Variants in CYREN observed in about 807,000 individuals in gnomAD.
CYREN encodes the protein cell cycle regulator of non-homologous end joining.
In CYREN, 7 loss-of-function variants were observed where a neutral mutation model predicts 9.7. That is an observed-to-expected ratio of 0.72 (90% CI 0.41 to 1.36). CYREN has a LOEUF of 1.36. Ranked by LOEUF, CYREN falls within the 40% of genes most tolerant of loss-of-function variation. The pLI is 0.01. For synonymous variants in CYREN, 76 were observed against 77.9 expected (o/e 0.98, Z 0.13); for missense variants, 215 against 198.1 (o/e 1.09, Z -0.51).
intron 2 of CYREN, among the ~76,000 whole-genome samples, chr7:135,156,487 G>A (rs1080421): frequency 0.49 from 73,366 of 151,230 alleles, 18,125 homozygotes; most frequent in South Asian, 0.65. Context: ...GCTTGGTGTA[G>A]TCTACTGTTG....
chr7:135,133,067 G>GCA (rs55861736), intron 2 of CYREN, among the ~76,000 whole-genome samples: 3,475 of 150,408 alleles, frequency 0.023, 53 homozygotes, highest in African/African-American at 0.041. Context: ...ACGCATGCGT[G>GCA]CACACACACA....
chr7:135,153,514 T>G (rs1215166985), intron 2 of CYREN, among the ~76,000 whole-genome samples: 1 of 148,116 alleles, frequency 6.8e-6, no homozygotes, highest in Non-Finnish European at 1.5e-5. Flanking sequence ...TCGTCAAGGA[T>G]GTGGAGAAAA....
intron 2 of CYREN, among the ~76,000 whole-genome samples, chr7:135,156,731 T>G (rs1829803283): frequency 6.6e-6 from 1 of 152,192 alleles, no homozygotes; most frequent in Admixed American, 6.5e-5. Context: ...TTGATTGGGA[T>G]CTGCTGCTGC....
chr7:135,104,097 C>T (rs186760099), intron 2 of CYREN, among the ~76,000 whole-genome samples: 101 of 152,178 alleles, frequency 6.6e-4, no homozygotes, highest in African/African-American at 2.4e-3. Flanking sequence ...GCCCCAGTGT[C>T]TGTTGTTCCC....
intron 2 of CYREN, among the ~76,000 whole-genome samples, chr7:135,116,132 A>G (rs932933672): frequency 3.9e-5 from 6 of 152,214 alleles, no homozygotes; most frequent in African/African-American, 1.2e-4. Context: ...TTATCAACAG[A>G]TTTTTATAAT....
At chr7:135,147,844 G>C (rs1184626521) in intron 2 of CYREN, 1 of 456,150 alleles carries the variant, frequency 2.2e-6, no homozygotes, top group East Asian at 7.0e-5. Flanking sequence ...AGAGTTCTTT[G>C]GCTCCTTCCC....
chr7:135,171,699 G>T (rs1045649284), upstream of CYREN, among the ~76,000 whole-genome samples: 3 of 152,208 alleles, frequency 2.0e-5, no homozygotes, highest in Admixed American at 2.0e-4. Context: ...TTCTTCTACA[G>T]CTCCGTGTCT....
chr7:135,126,815 T>C (rs1304760144), intron 2 of CYREN, among the ~76,000 whole-genome samples: 2 of 152,186 alleles, frequency 1.3e-5, no homozygotes, highest in African/African-American at 2.4e-5. Context: ...TGGCTAGCCA[T>C]GTGCAGAAAA....
chr7:135,099,699 A>T (rs1823472563), intron 2 of CYREN, among the ~76,000 whole-genome samples: 1 of 152,138 alleles, frequency 6.6e-6, no homozygotes, highest in Non-Finnish European at 1.5e-5. Flanking sequence ...ATTGCTAATC[A>T]GATGTCTCCT....
chr7:135,129,328 C>G, intron 2 of CYREN: 3 of 1,224,072 alleles, frequency 2.5e-6, no homozygotes, highest in Non-Finnish European at 3.6e-6. Context: ...AAGGTGACTG[C>G]AGAGAAATTA....
At chr7:135,147,558 T>C (rs187930082) in intron 2 of CYREN, among the ~76,000 whole-genome samples, 1 of 152,306 alleles carries the variant, frequency 6.6e-6, no homozygotes, top group Admixed American at 6.5e-5. Flanking sequence ...AAAATAGATG[T>C]TCCAGCTGCT....
chr7:135,158,039 C>T (rs968302561), intron 2 of CYREN, among the ~76,000 whole-genome samples: 2 of 151,778 alleles, frequency 1.3e-5, no homozygotes, highest in African/African-American at 2.4e-5. Context: ...TAGGTATGTG[C>T]GGGAGAGCAT....
At chr7:135,120,281 G>T (rs927326253) in intron 2 of CYREN, among the ~76,000 whole-genome samples, 1 of 152,048 alleles carries the variant, frequency 6.6e-6, no homozygotes, top group African/African-American at 2.4e-5. Flanking sequence ...TATTGATGTG[G>T]TTCCAAATAT....
intron 2 of CYREN, among the ~76,000 whole-genome samples, chr7:135,114,913 G>T (rs1461571268): frequency 6.6e-6 from 1 of 152,176 alleles, no homozygotes; most frequent in Non-Finnish European, 1.5e-5. Flanking sequence ...AACATGAGCT[G>T]AGTCCATGTT....
At chr7:135,164,802 G>A (rs753056412), downstream of CYREN, 9 of 1,614,106 alleles carry the variant, frequency 5.6e-6, no homozygotes, top group Non-Finnish European at 6.8e-6. Flanking sequence ...GGGCTTCCTG[G>A]CTGTGTCCTC....
At chr7:135,096,380 A>C (rs1303981027) in intron 2 of CYREN, among the ~76,000 whole-genome samples, 2 of 148,314 alleles carry the variant, frequency 1.3e-5, no homozygotes, top group African/African-American at 2.5e-5. Flanking sequence ...ACAGACAGAC[A>C]GAGAAGGAAG....
At position 135,168,816 on chromosome 7, in the gene CYREN, C is replaced by G; in HGVS notation, c.107G>C (p.Arg36Thr). 7 of 1,614,134 alleles carry G rather than the reference C, an allele frequency of 4.3e-6. No individual in the cohort carries two copies. The highest frequency in any genetic ancestry group is 5.9e-6 in the Non-Finnish European group (7 of 1,179,996). The change falls in exon 2 of 4, where the codon AGA (arginine) becomes ACA (threonine). Residue 36 changes from arginine to threonine, a missense_variant. Transcript: ENST00000393114. Reference sequence around the variant, plus strand: ...TGCTGCCACTGGCACTGCTGCCATTCTCATCCTCTTGGGGGCCTTCATTGG... The same window carrying G: ...TGCTGCCACTGGCACTGCTGCCATTGTCATCCTCTTGGGGGCCTTCATTGG... ...VAPMKAPKRM[R>T]MAAVPVAAAR...
chr7:135,110,510 C>T (rs1328821420), intron 2 of CYREN, among the ~76,000 whole-genome samples: 1 of 152,110 alleles, frequency 6.6e-6, no homozygotes, highest in Non-Finnish European at 1.5e-5. Context: ...GACCTCCTGA[C>T]CTGGGAGCTG....
chr7:135,161,355 G>A (rs1442140570), downstream of CYREN, among the ~76,000 whole-genome samples: 2 of 152,154 alleles, frequency 1.3e-5, no homozygotes, highest in African/African-American at 2.4e-5. The surrounding 1 kb of genome is among the most constrained non-coding windows in gnomAD (Gnocchi z 4.1). Flanking sequence ...TGGAACCCCA[G>A]TGTAACAGAA....
Sources: gnomAD v4.1 joint callset for allele counts (sites outside exome capture counted in the v4.1 genomes callset) on GRCh38, gnomAD v4.1.1 for gene constraint, Gnocchi (gnomAD v3.1) non-coding constraint, MANE v1.5 for transcripts, NCBI Gene and HGNC (gene_info 2026-07-23, HGNC 2026-07-21) for gene names.